Variants in IMMT observed in about 807,000 individuals in gnomAD.
IMMT encodes the protein MICOS complex subunit MIC60.
In IMMT, 40 loss-of-function variants were observed where a neutral mutation model predicts 92.7. The ratio of observed to expected loss-of-function variants is 0.43; its 90% confidence interval spans 0.34 to 0.56. The LOEUF (loss-of-function observed/expected upper bound fraction) is 0.56. Ranked by LOEUF, IMMT falls within the 20% of genes least tolerant of loss-of-function variation. The pLI is 0.03. For synonymous variants in IMMT, 322 were observed against 336.1 expected, an observed-to-expected ratio of 0.96 and a Z score of 0.46; for missense variants, 831 against 912.1, an observed-to-expected ratio of 0.91 and a Z score of 1.14.
intron 1 of IMMT, among the ~76,000 whole-genome samples, chr2:86,188,784 T>C (rs760656171): frequency 2.0e-5 from 3 of 152,136 alleles, no homozygotes; most frequent in Non-Finnish European, 4.4e-5. Context: ...AGGAGTTCCT[T>C]ACCTAAAAAG....
At chr2:86,171,678 A>T (rs1396929554) in intron 4 of IMMT, 1 of 200,550 alleles carries the variant, frequency 5.0e-6, no homozygotes, top group Non-Finnish European at 1.0e-5. Context: ...AGAGTAACAA[A>T]GGAAAAAGCC....
At chr2:86,147,888 G>T in intron 12 of IMMT, 55 bp from the exon 13 acceptor site, 4 of 1,568,988 alleles carry the variant, frequency 2.5e-6, no homozygotes, top group Non-Finnish European at 3.5e-6. Context: ...TATACTTTTA[G>T]GAAAACAGAA....
intron 10 of IMMT, among the ~76,000 whole-genome samples, chr2:86,157,550 C>G (rs543598673): frequency 2.6e-5 from 4 of 152,056 alleles, no homozygotes; most frequent in Non-Finnish European, 5.9e-5. Context: ...TTTTGGGAGG[C>G]CAAGGTGGGC....
chr2:86,179,699 C>T (rs1317767939), intron 2 of IMMT, 77 bp from the exon 3 acceptor site: 1 of 1,202,462 alleles, frequency 8.3e-7, no homozygotes, highest in Non-Finnish European at 1.1e-6. Context: ...ATGTAACCAT[C>T]TCGAAGACCT....
chr2:86,176,166 G>T (rs1253374223), intron 3 of IMMT, among the ~76,000 whole-genome samples: 1 of 152,162 alleles, frequency 6.6e-6, no homozygotes, highest in South Asian at 2.1e-4. Flanking sequence ...GAGCCCAATG[G>T]CCAGTTCCTA....
intron 3 of IMMT, among the ~76,000 whole-genome samples, chr2:86,178,636 A>T: frequency 6.6e-6 from 1 of 152,144 alleles, no homozygotes. Context: ...GGAAAAAAAA[A>T]AAGAAAACTA....
rs548731236 is a variant in IMMT, at chr2:86,149,879, CAAAAAAA to C, written c.1401+1411_1401+1417del. Among the ~76,000 whole-genome samples, 811 of 121,400 alleles carry C rather than the reference CAAAAAAA, an allele frequency of 6.7e-3. 11 individuals are homozygous for C. Among genetic ancestry groups the C allele is most frequent in the African/African-American group, 0.021 (668 of 31,880 alleles). The allele number at this position is 121,400 out of a possible 152,430, so 79.6% of individuals were successfully genotyped here. A position where few individuals can be genotyped will look rare whatever the true frequency, so the allele number is the denominator to read the frequency against. On this transcript the variant is annotated intron_variant, in intron 12 of 14. Transcript: ENST00000410111. Reference sequence around the variant, plus strand: ...TGGGCCACAAAGACAGACTCTGTCTCAAAAAAAAAAAAAAAAAAAGAAAGAAAAAGAA... The same window carrying C: ...TGGGCCACAAAGACAGACTCTGTCTCAAAAAAAAAAAAGAAAGAAAAAGAA...
rs1158742263 is a variant in IMMT at position 86,159,542 on chromosome 2, G to T, written c.1026C>A (p.Val342=). The T allele has an allele frequency of 1.3e-6, 2 of 1,597,418 alleles. 1 individual carries two copies. Among genetic ancestry groups the T allele is most frequent in the South Asian group, 2.2e-5 (2 of 89,818 alleles). Residue 342 remains valine, a synonymous_variant, in exon 9 of 15, where the codon GTC becomes GTA. Coordinates refer to ENST00000410111, the MANE Select transcript of IMMT (RefSeq NM_006839.3). ...TAAGACTTAGGAAACATACCTTTTT[G>T]ACCACATTATCCAGATCAACTATCA... ...HNMIVDLDNV[V]KKVQAAQSEA...
At chr2:86,180,267 T>G (rs1672340895) in intron 2 of IMMT, among the ~76,000 whole-genome samples, 2 of 152,024 alleles carry the variant, frequency 1.3e-5, no homozygotes. Flanking sequence ...ATAAACTCTT[T>G]TTTTTATTTT....
chr2:86,150,532 GTAGT>G (rs747916235), intron 12 of IMMT, among the ~76,000 whole-genome samples: 29 of 152,220 alleles, frequency 1.9e-4, no homozygotes, highest in Non-Finnish European at 3.8e-4. Flanking sequence ...GGTGGGATGA[GTAGT>G]TAGGTTCCCA....
chr2:86,153,098 A>G (rs1176071744), intron 11 of IMMT, among the ~76,000 whole-genome samples: 1 of 152,180 alleles, frequency 6.6e-6, no homozygotes, highest in African/African-American at 2.4e-5. Context: ...GATGTTTTTG[A>G]AACATACTGA....
At chr2:86,162,507 C>G (rs925912562) in intron 7 of IMMT, among the ~76,000 whole-genome samples, 1 of 151,904 alleles carries the variant, frequency 6.6e-6, no homozygotes, top group Non-Finnish European at 1.5e-5. Context: ...TGTCAAAAAC[C>G]TCCCTTGAGG....
intron 7 of IMMT, among the ~76,000 whole-genome samples, chr2:86,162,284 C>G (rs1159571726): frequency 6.6e-6 from 1 of 150,474 alleles, no homozygotes; most frequent in African/African-American, 2.4e-5. Context: ...CCTCAAAGTG[C>G]TGGGATTACA....
chr2:86,169,007 C>T (rs549702416), intron 6 of IMMT, among the ~76,000 whole-genome samples: 1 of 152,328 alleles, frequency 6.6e-6, no homozygotes, highest in East Asian at 1.9e-4. Flanking sequence ...TTCCAGCCCT[C>T]TTCAGAGGTT....
intron 1 of IMMT, chr2:86,192,993 G>C (rs537105076): frequency 1.3e-5 from 2 of 154,084 alleles, no homozygotes; most frequent in South Asian, 4.1e-4. Context: ...CAAAGAGCAT[G>C]ACCTCATGTT....
chr2:86,173,314 C>T (rs6749619), intron 4 of IMMT, among the ~76,000 whole-genome samples: 189 of 152,300 alleles, frequency 1.2e-3, no homozygotes, highest in African/African-American at 4.4e-3. Context: ...GGCATGGTGG[C>T]TCACGCCTGT....
Position 86,159,724 on chromosome 2 carries a change from A to G in IMMT, c.897-53T>C, listed in dbSNP as rs1002939151. On this transcript the variant is annotated intron_variant, in intron 8 of 14. Coordinates refer to ENST00000410111, the MANE Select transcript of IMMT (RefSeq NM_006839.3). Reference sequence around the variant, plus strand: ...TATAACTTCTTGTCAACTGTATTAAAAAGTTTTGATGTCAGCACAGTATAT... The same window carrying G: ...TATAACTTCTTGTCAACTGTATTAAGAAGTTTTGATGTCAGCACAGTATAT... 3 of 1,469,118 alleles carry G rather than the reference A, an allele frequency of 2.0e-6. No homozygotes were observed. The African/African-American group carries it at 4.2e-5, about 21-fold the overall frequency. 91.0% of individuals were successfully genotyped at this position (1,469,118 alleles called of 1,614,324 possible).
In IMMT at chr2:86,181,391, T is replaced by C. The variant is rs1672425221; in HGVS notation, c.46-19A>G. Reference sequence around the variant, plus strand: ...GACAACTCTAAAGAAGGAAAACACATCACAACCAATACAGTTAAAGGAAAC... The same window carrying C: ...GACAACTCTAAAGAAGGAAAACACACCACAACCAATACAGTTAAAGGAAAC... On this transcript the variant is annotated intron_variant, in intron 1 of 14. Coordinates refer to ENST00000410111, the MANE Select transcript of IMMT (RefSeq NM_006839.3). 1.3e-6 allele frequency: 2 copies of C among 1,576,652 alleles called. No individual in the cohort carries two copies. Among genetic ancestry groups the C allele is most frequent in the Non-Finnish European group, 1.7e-6 (2 of 1,146,210 alleles).
rs1432009138 is a variant in IMMT, at chr2:86,144,344, G to A, written c.2201C>T (p.Thr734Met). ...WLKEARMTLE[T>M]KQIVEILTAY... ...TGTCAGGATTTCCACTATCTGTTTC[G>A]TTTCTAGGGTCATTCGGGCTTCCTT... is the stretch of plus-strand genomic sequence containing the variant. Residue 734 changes from threonine to methionine, a missense_variant, in exon 15 of 15, where the codon ACG (threonine) becomes ATG (methionine). By Grantham distance (81) the Thr-to-Met change is moderately conservative (BLOSUM62 -1). Transcript: ENST00000410111. 13 of 1,613,808 alleles carry A rather than the reference G, an allele frequency of 8.1e-6. No individual in the cohort carries two copies. The highest frequency in any genetic ancestry group is 5.0e-5 in the Admixed American group (3 of 59,984).
Sources: gnomAD v4.1 joint callset for allele counts (sites outside exome capture counted in the v4.1 genomes callset) on GRCh38, gnomAD v4.1.1 for gene constraint, MANE v1.5 for transcripts, NCBI Gene and HGNC (gene_info 2026-07-23, HGNC 2026-07-21) for gene names.